CACNA1A: variants seen among roughly 807,000 people sequenced by gnomAD.
CACNA1A encodes the protein calcium voltage-gated channel subunit alpha1 A, also known as voltage-dependent P/Q-type calcium channel subunit alpha-1A.
A neutral mutation model predicts 262.4 loss-of-function variants in CACNA1A; 57 were observed. That is an observed-to-expected ratio of 0.22 (90% CI 0.18 to 0.27). The LOEUF is 0.27. Among genes scored for constraint, CACNA1A ranks in the 10% least tolerant of loss-of-function variants. The pLI is 1.00. For missense variants in CACNA1A, 2,526 were observed against 3,562.8 expected, an observed-to-expected ratio of 0.71 and a Z score of 7.41; for synonymous variants, 1,431 against 1,419.3, an observed-to-expected ratio of 1.01 and a Z score of -0.18.
rs544184087 is a variant in CACNA1A at position 13,445,132 on chromosome 19, C to G, written c.539+7744G>C. Among the ~76,000 whole-genome samples the G allele has an allele frequency of 2.2e-4, 33 of 146,712 alleles. No individual in the cohort carries two copies. The South Asian group carries it at 7.0e-3, about 31-fold the overall frequency. On this transcript the variant is annotated intron_variant, in intron 3 of 46. Coordinates refer to ENST00000360228, the MANE Select transcript of CACNA1A (RefSeq NM_001127222.2). ...TCTAGCCTGGGCAACAAGAGAAAAACTCCGTCTCAAAAAAAAAAAAAAAAA... is the reference window on the plus strand; with the variant it reads ...TCTAGCCTGGGCAACAAGAGAAAAAGTCCGTCTCAAAAAAAAAAAAAAAAA...
intron 30 of CACNA1A, among the ~76,000 whole-genome samples, chr19:13,246,429 C>T (rs1166300202): frequency 1.3e-5 from 2 of 152,148 alleles, no homozygotes; most frequent in Non-Finnish European, 2.9e-5. Context: ...TTTTGAATGG[C>T]AGCTACTCTG....
chr19:13,242,578 G>A (rs1044078654), intron 31 of CACNA1A, among the ~76,000 whole-genome samples: 5 of 152,252 alleles, frequency 3.3e-5, no homozygotes, highest in African/African-American at 7.2e-5. Context: ...TTACAGGCGT[G>A]AGCCACCATG....
intron 3 of CACNA1A, among the ~76,000 whole-genome samples, chr19:13,394,333 A>G (rs1331992613): frequency 6.6e-6 from 1 of 152,154 alleles, no homozygotes; most frequent in Non-Finnish European, 1.5e-5. Flanking sequence ...GTAAAAGGAC[A>G]AGGATTTCTC....
At chr19:13,453,091 G>A in intron 2 of CACNA1A, 76 bp from the exon 3 acceptor site, 6 of 1,488,276 alleles carry the variant, frequency 4.0e-6, no homozygotes, top group Non-Finnish European at 5.6e-6. Flanking sequence ...AGCCCACCTA[G>A]AAATCAGTAC....
intron 28 of CACNA1A, among the ~76,000 whole-genome samples, chr19:13,255,668 C>T (rs937268583): frequency 4.2e-5 from 6 of 143,258 alleles, no homozygotes; most frequent in South Asian, 2.2e-4. Flanking sequence ...CTCCCTCCCT[C>T]GCTCCCTCCC....
At chr19:13,276,204 C>T (rs1277310918) in intron 23 of CACNA1A, among the ~76,000 whole-genome samples, 1 of 152,204 alleles carries the variant, frequency 6.6e-6, no homozygotes. Flanking sequence ...TTGGGATCCT[C>T]TTTGATGCCT....
At chr19:13,228,610 A>C (rs1302188439) in intron 36 of CACNA1A, 1 of 281,342 alleles carries the variant, frequency 3.6e-6, no homozygotes, top group Non-Finnish European at 6.5e-6. Context: ...AGAGAGATAT[A>C]TATATATATA....
chr19:13,253,943 T>C (rs2056472857), intron 29 of CACNA1A, among the ~76,000 whole-genome samples: 1 of 152,004 alleles, frequency 6.6e-6, no homozygotes, highest in African/African-American at 2.4e-5. Flanking sequence ...TTTCACCATG[T>C]TGGCCAGTTG....
intron 3 of CACNA1A, among the ~76,000 whole-genome samples, chr19:13,392,887 C>G (rs2059733647): frequency 6.6e-6 from 1 of 152,116 alleles, no homozygotes; most frequent in African/African-American, 2.4e-5. Context: ...GCTGAGATTA[C>G]AGGCACACGC....
rs369959565 is a variant in CACNA1A, at chr19:13,452,856, G to A, written c.539+20C>T. Reference sequence around the variant, plus strand: ...TCCTTCAGCTAGTTAAATCCAAAGCGTATAGCACGCGCCACTTACCCCGTT... The same window carrying A: ...TCCTTCAGCTAGTTAAATCCAAAGCATATAGCACGCGCCACTTACCCCGTT... On this transcript the variant is annotated intron_variant, in intron 3 of 46. Transcript: ENST00000360228. 66 of 1,610,462 alleles carry A rather than the reference G, an allele frequency of 4.1e-5. No individual in the cohort carries two copies. The highest frequency in any genetic ancestry group is 3.7e-4 in the African/African-American group (28 of 74,772).
chr19:13,293,439 CTTTTTTTTTTTT>C (rs974515720), intron 19 of CACNA1A, among the ~76,000 whole-genome samples: 5 of 80,896 alleles, frequency 6.2e-5, no homozygotes, highest in Admixed American at 1.8e-4. Flanking sequence ...TCAGTTAAAT[CTTTTTTTTTTTT>C]TTTTTTTTTT....
intron 36 of CACNA1A, 150 bp from the exon 37 acceptor site, chr19:13,227,677 C>G (rs529345360): frequency 5.1e-4 from 191 of 373,790 alleles, no homozygotes; most frequent in Middle Eastern, 5.0e-3. Flanking sequence ...GAGAAAGATG[C>G]AGAGAATGAT....
At chr19:13,324,948 A>G (rs1055928692) in intron 10 of CACNA1A, among the ~76,000 whole-genome samples, 7 of 152,198 alleles carry the variant, frequency 4.6e-5, no homozygotes, top group African/African-American at 1.7e-4. Flanking sequence ...GCTTCCATTC[A>G]TAATGGATCA....
intron 3 of CACNA1A, among the ~76,000 whole-genome samples, chr19:13,386,751 C>T (rs2144631459): frequency 6.6e-6 from 1 of 152,070 alleles, no homozygotes; most frequent in Middle Eastern, 3.4e-3. Flanking sequence ...CGAGATCATG[C>T]CACTGCACTC....
At chr19:13,443,336 T>C (rs2060757421) in intron 3 of CACNA1A, among the ~76,000 whole-genome samples, 1 of 150,148 alleles carries the variant, frequency 6.7e-6, no homozygotes, top group Non-Finnish European at 1.5e-5. Flanking sequence ...AGAGTTGAAA[T>C]AATTTTATTT....
Position 13,305,068 on chromosome 19 carries a change from G to A in CACNA1A, c.1987-1184C>T, listed in dbSNP as rs551561943. Among the ~76,000 whole-genome samples, 7 of 152,340 alleles carry A rather than the reference G, an allele frequency of 4.6e-5. No homozygotes were observed. In the South Asian group the frequency reaches 1.4e-3, roughly 32 times the overall value. On this transcript the variant is annotated intron_variant, in intron 15 of 46. Transcript: ENST00000360228. Reference sequence around the variant, plus strand: ...TCGGGTGCAAGTGGTTTGTCTGGGAGGTGATCTCAGGAAGCACCAGTAGGG... The same window carrying A: ...TCGGGTGCAAGTGGTTTGTCTGGGAAGTGATCTCAGGAAGCACCAGTAGGG...
At position 13,235,733 on chromosome 19, in the gene CACNA1A, G is replaced by A. The variant is rs745483728; in HGVS notation, c.4951-3C>T. On this transcript the variant is annotated splice_region_variant and splice_polypyrimidine_tract_variant and intron_variant, in intron 31 of 46. Transcript: ENST00000360228. The stretch of plus-strand genomic sequence containing the variant: ...AAGCTCAGGTTGATGAAGTTATTCT[G>A]GGGAGATGGAGGAAGAGGGGTGACC... 3.1e-6 allele frequency: 5 copies of A among 1,608,964 alleles called. No individual in the cohort carries two copies. Among genetic ancestry groups the A allele is most frequent in the Non-Finnish European group, 4.3e-6 (5 of 1,175,680 alleles).
At chr19:13,454,028 A>T (rs1466293726) in intron 2 of CACNA1A, among the ~76,000 whole-genome samples, 1 of 151,866 alleles carries the variant, frequency 6.6e-6, no homozygotes, top group Non-Finnish European at 1.5e-5. Flanking sequence ...AACCCTTGGG[A>T]TCTCCAAAGG....
chr19:13,296,749 C>G (rs1232659877), intron 19 of CACNA1A, among the ~76,000 whole-genome samples: 1 of 149,610 alleles, frequency 6.7e-6, no homozygotes, highest in African/African-American at 2.4e-5. Flanking sequence ...AGTGCCTTTT[C>G]TTTTTCTTTA....
Sources: gnomAD v4.1 joint callset for allele counts (sites outside exome capture counted in the v4.1 genomes callset) on GRCh38, gnomAD v4.1.1 for gene constraint, MANE v1.5 for transcripts, NCBI Gene and HGNC (gene_info 2026-07-23, HGNC 2026-07-21) for gene names.